The following CTSW variants were observed in gnomAD, a reference collection of about 807,000 sequenced individuals.
CTSW encodes lymphopain.
Under a neutral mutation model 43.8 loss-of-function variants are expected in CTSW, and 42 were observed. That is an observed-to-expected ratio of 0.96 (90% CI 0.75 to 1.24). CTSW has a LOEUF of 1.24. Among genes scored for constraint, CTSW ranks in the 50% most tolerant of loss-of-function variants. CTSW has a pLI of 0.00. For missense variants in CTSW, 475 were observed against 479.9 expected (o/e 0.99, Z 0.09); for synonymous variants, 191 against 184.8 (o/e 1.03, Z -0.27).
chr11:65,880,923 C>T (rs956837051), intron 2 of CTSW, among the ~76,000 whole-genome samples: 1 of 152,190 alleles, frequency 6.6e-6, no homozygotes, highest in African/African-American at 2.4e-5. Context: ...CATTTTGTCC[C>T]CACATTGGGG....
chr11:65,880,922 C>T (rs1030771121), intron 2 of CTSW, among the ~76,000 whole-genome samples: 11 of 152,154 alleles, frequency 7.2e-5, no homozygotes, highest in Admixed American at 6.5e-4. Context: ...CCATTTTGTC[C>T]CCACATTGGG....
chr11:65,882,080 C>G (rs1860113354), intron 3 of CTSW, 95 bp from the exon 4 acceptor site: 1 of 1,490,376 alleles, frequency 6.7e-7, no homozygotes, highest in African/African-American at 1.4e-5. Flanking sequence ...CTTTTTGCCC[C>G]TCAGGGAATT....
intron 8 of CTSW, 35 bp downstream of exon 8, chr11:65,883,168 A>G (rs755909009): frequency 1.9e-6 from 3 of 1,613,714 alleles, no homozygotes; most frequent in Non-Finnish European, 2.5e-6. Context: ...AGGGGCATAC[A>G]GGAGACTTGG....
At chr11:65,881,238 G>A (rs982773606) in intron 2 of CTSW, among the ~76,000 whole-genome samples, 169 bp from the exon 3 acceptor site, 2 of 152,148 alleles carry the variant, frequency 1.3e-5, no homozygotes, top group Admixed American at 6.5e-5. Context: ...TCGGTGGGCT[G>A]GGTAACCACT....
In CTSW at chr11:65,881,451, G is replaced by A. The variant is rs1313661277; in HGVS notation, c.217G>A (p.Ala73Thr). 2 of 1,611,052 alleles carry A rather than the reference G, an allele frequency of 1.2e-6. No homozygotes were observed. Among genetic ancestry groups the A allele is most frequent in the South Asian group, 2.2e-5 (2 of 90,474 alleles). Residue 73 changes from alanine to threonine, a missense_variant, in exon 3 of 10, where the codon GCT (alanine) becomes ACT (threonine). Ala to Thr is a moderately conservative substitution (Grantham distance 58, BLOSUM62 0). Transcript: ENST00000307886. Reference sequence around the variant, plus strand: ...CATCTTTGCCCACAACCTGGCCCAGGCTCAGAGGCTGCAGGAGGAGGACTT... The same window carrying A: ...CATCTTTGCCCACAACCTGGCCCAGACTCAGAGGCTGCAGGAGGAGGACTT... ...LDIFAHNLAQ[A>T]QRLQEEDLGT... is the part of the protein sequence containing the mutation.
rs140048610 is a variant in CTSW at position 65,882,520 on chromosome 11, G to T, written c.532G>T (p.Val178Leu). ...ISFWDFVDVSVQELLDCGRCG... is the reference protein window; with the variant it reads ...ISFWDFVDVSLQELLDCGRCG... ...TTTCTGGGATTTTGTGGATGTCTCC[G>T]TGCAGGGTAGGGTTGGGAGAGGGTG... is the stretch of plus-strand genomic sequence containing the variant. The change falls in exon 5 of 10, where the codon GTG becomes TTG. Residue 178 changes from valine (V) to leucine (L), a missense_variant. By Grantham distance (32) the Val-to-Leu change is conservative. Coordinates refer to ENST00000307886, the MANE Select transcript of CTSW (RefSeq NM_001335.4). 8 of 1,614,208 alleles carry T rather than the reference G, an allele frequency of 5.0e-6. No homozygotes were observed. Among genetic ancestry groups the T allele is most frequent in the South Asian group, 2.2e-5 (2 of 91,080 alleles).
In CTSW at chr11:65,882,874, G is replaced by A. The variant is rs1489949323; in HGVS notation, c.715G>A (p.Asp239Asn). 1 of 1,614,084 alleles carries A rather than the reference G, an allele frequency of 6.2e-7. No individual in the cohort carries two copies. The highest frequency in any genetic ancestry group is 1.1e-5 in the South Asian group (1 of 91,076). ...GTACCAGAAGGTGGCCTGGATCCAG[G>A]ACTTCATCATGCTGCAGAACAACGA... ...KKYQKVAWIQDFIMLQNNEHR... is the reference protein window; with the variant it reads ...KKYQKVAWIQNFIMLQNNEHR... Residue 239 changes from aspartate (D) to asparagine (N), a missense_variant, in exon 7 of 10, where the codon GAC becomes AAC. Coordinates refer to ENST00000307886, the MANE Select transcript of CTSW (RefSeq NM_001335.4).
In CTSW at chr11:65,883,144, G is replaced by T. The variant is rs759704881; in HGVS notation, c.810+11G>T. 1.2e-6 allele frequency: 2 copies of T among 1,613,894 alleles called. No individual in the cohort carries two copies. The highest frequency in any genetic ancestry group is 1.3e-5 in the African/African-American group (1 of 74,868). On this transcript the variant is annotated intron_variant, in intron 8 of 9. Coordinates refer to ENST00000307886, the MANE Select transcript of CTSW (RefSeq NM_001335.4). ...ATGAAGCCCCTTCAGGTGAGATGGG[G>T]GAGCTGATGGGGAAGGGGCATACAG...
chr11:65,883,635 C>T lies in CTSW; in HGVS notation c.*17C>T, dbSNP rs747690368. The T allele has an allele frequency of 1.9e-6, 3 of 1,603,086 alleles. No homozygotes were observed. The Admixed American group carries it at 5.0e-5, about 27-fold the overall frequency. On this transcript the variant is annotated 3_prime_UTR_variant, in exon 10 of 10. Coordinates refer to ENST00000307886, the MANE Select transcript of CTSW (RefSeq NM_001335.4). ...CCTCCCTGAACCCACCTGGCCCCCT[C>T]AGCTCTGTCCTGTTAGGCCAACTGC... is the stretch of plus-strand genomic sequence containing the variant.
chr11:65,882,967 G>A (rs1342325688), intron 7 of CTSW, 63 bp downstream of exon 7: 147 of 1,611,866 alleles, frequency 9.1e-5, no homozygotes, highest in South Asian at 2.2e-5. Context: ...AGGCAGACAC[G>A]CTGGGCTACT....
chr11:65,881,295 A>G, intron 2 of CTSW, 112 bp from the exon 3 acceptor site: 1 of 592,524 alleles, frequency 1.7e-6, no homozygotes, highest in Non-Finnish European at 2.9e-6. Context: ...GGCTACAGGA[A>G]AGGAGCCAGT....
chr11:65,882,236 C>G lies in CTSW; in HGVS notation c.348C>G (p.Gly116=), dbSNP rs752954073. 1.2e-6 allele frequency: 2 copies of G among 1,614,156 alleles called. No homozygotes were observed. Among genetic ancestry groups the G allele is most frequent in the South Asian group, 2.2e-5 (2 of 91,092 alleles). Residue 116 remains glycine (G), a synonymous_variant, in exon 4 of 10, where the codon GGC becomes GGG. Transcript: ENST00000307886. ...CAGCTGGAGGGGTCCCCAGCATGGG[C>G]AGAGAAATAAGGTCTGAAGAGCCAG... is the stretch of plus-strand genomic sequence containing the variant. ...RRAAGGVPSM[G]REIRSEEPEE... is the part of the protein sequence containing the mutation.
In CTSW at chr11:65,883,438, A is replaced by T; in HGVS notation, c.1020+14A>T. On this transcript the variant is annotated intron_variant, in intron 9 of 9. Transcript: ENST00000307886. ...TGGGGAGAGAAGGTGAGTGTGATCT[A>T]TTGGGGGAGGGGGCAAGGCAGAACA... is the stretch of plus-strand genomic sequence containing the variant. The T allele has an allele frequency of 6.2e-7, 1 of 1,613,852 alleles. No individual in the cohort carries two copies. The highest frequency in any genetic ancestry group is 8.5e-7 in the Non-Finnish European group (1 of 1,179,864).
chr11:65,880,964 G>C (rs746005444), intron 2 of CTSW, among the ~76,000 whole-genome samples: 2 of 151,726 alleles, frequency 1.3e-5, no homozygotes, highest in African/African-American at 4.8e-5. Flanking sequence ...TCTAACCCCT[G>C]CCCCTGCCCT....
intron 2 of CTSW, among the ~76,000 whole-genome samples, chr11:65,880,813 G>T (rs1565277773): frequency 6.6e-6 from 1 of 152,160 alleles, no homozygotes; most frequent in African/African-American, 2.4e-5. Context: ...CTAGTCCTAC[G>T]TGATCCCCTG....
chr11:65,882,120 A>C, intron 3 of CTSW, 55 bp from the exon 4 acceptor site: 2 of 1,592,280 alleles, frequency 1.3e-6, no homozygotes, highest in Non-Finnish European at 1.7e-6. Context: ...TGGGAGAGGC[A>C]GAACAGGGAG....
chr11:65,883,596 CCCGAGTCT>C lies in CTSW; in HGVS notation c.1112_1119del (p.Arg371LeufsTer38). On this transcript the variant is annotated frameshift_variant, in exon 10 of 10. Coordinates refer to ENST00000307886, the MANE Select transcript of CTSW (RefSeq NM_001335.4). LOFTEE classifies it high-confidence loss of function. ...CGTGTGCAGAAACCGGATATGAAGC[CCCGAGTCT>C]CCTGCCCTCCCTGAACCCACCTGGC... 1 of 1,613,952 alleles carries C rather than the reference CCCGAGTCT, an allele frequency of 6.2e-7. No individual in the cohort carries two copies. The highest frequency in any genetic ancestry group is 8.5e-7 in the Non-Finnish European group (1 of 1,179,874).
At position 65,882,383 on chromosome 11, in the gene CTSW, G is replaced by T. The variant is rs371860987; in HGVS notation, c.442-47G>T. The T allele has an allele frequency of 2.5e-6, 4 of 1,613,636 alleles. No individual in the cohort carries two copies. The African/African-American group carries it at 5.3e-5, about 22-fold the overall frequency. ...TTCAGCTAAGTGGTGGGAGGGAGAG[G>T]GGCACGGCCCGAACACCTAGCCCCG... On this transcript the variant is annotated intron_variant, in intron 4 of 9. Transcript: ENST00000307886.
At chr11:65,883,172 G>A in intron 8 of CTSW, 39 bp downstream of exon 8, 1 of 1,613,788 alleles carries the variant, frequency 6.2e-7, no homozygotes, top group Non-Finnish European at 8.5e-7. Flanking sequence ...GCATACAGGA[G>A]ACTTGGCCCC....
Sources: gnomAD v4.1 joint callset for allele counts (sites outside exome capture counted in the v4.1 genomes callset) on GRCh38, gnomAD v4.1.1 for gene constraint, MANE v1.5 for transcripts, NCBI Gene and HGNC (gene_info 2026-07-23, HGNC 2026-07-21) for gene names.